The following ZNF568 variants were observed in gnomAD, a reference collection of about 807,000 sequenced individuals.
ZNF568 encodes p53 inhibitor of SCO2 activation.
A neutral mutation model predicts 18.1 loss-of-function variants in ZNF568; 11 were observed. The observed-to-expected ratio is 0.61, with a 90% confidence interval of 0.38 to 1.00. The LOEUF (loss-of-function observed/expected upper bound fraction) is 1.00, where lower values mean the gene tolerates loss of function less well. Among genes scored for constraint, ZNF568 ranks in the 50% least tolerant of loss-of-function variants. ZNF568 has a pLI of 0.01. For missense variants in ZNF568, 639 were observed against 768.2 expected, an observed-to-expected ratio of 0.83 and a Z score of 1.99; for synonymous variants, 213 against 246.6, an observed-to-expected ratio of 0.86 and a Z score of 1.28.
chr19:36,921,693 T>G (rs746435244), intron 2 of ZNF568, among the ~76,000 whole-genome samples: 2 of 152,212 alleles, frequency 1.3e-5, no homozygotes, highest in Non-Finnish European at 2.9e-5. Context: ...TATATTTTAA[T>G]AGTCATTTCG....
At chr19:36,944,992 T>G (rs1353559883) in intron 6 of ZNF568, among the ~76,000 whole-genome samples, 1 of 152,156 alleles carries the variant, frequency 6.6e-6, no homozygotes, top group African/African-American at 2.4e-5. Context: ...AATTTTTTTC[T>G]ATTTTTAGGG....
intron 7 of ZNF568, among the ~76,000 whole-genome samples, chr19:36,978,028 C>G (rs1463463804): frequency 3.3e-5 from 5 of 152,218 alleles, no homozygotes; most frequent in African/African-American, 1.2e-4. Context: ...TGCCCTAGGG[C>G]CTCACTCCAC....
At chr19:36,979,423 C>G (rs2074313452) in exon 8 of ZNF568, 1 of 152,268 alleles carries the variant, frequency 6.6e-6, no homozygotes, top group African/African-American at 2.4e-5. Context: ...TCTTCCCAAT[C>G]TAAATCCCCT....
At chr19:36,953,962 G>A (rs375710527), downstream of ZNF568, among the ~76,000 whole-genome samples, 2 of 152,186 alleles carry the variant, frequency 1.3e-5, no homozygotes, top group African/African-American at 2.4e-5. Context: ...GGTGGCTCAC[G>A]CCTGTAATCC....
intron 4 of ZNF568, chr19:36,996,187 C>CTT: frequency 2.6e-6 from 2 of 775,304 alleles, no homozygotes; most frequent in Non-Finnish European, 3.9e-6. Context: ...TTTCACTTCC[C>CTT]TTTTTTTTTG....
At chr19:36,996,229 A>G in intron 4 of ZNF568, 2 of 1,055,040 alleles carry the variant, frequency 1.9e-6, no homozygotes, top group South Asian at 1.8e-5. Context: ...CTTATTAACT[A>G]TTTTTATTTT....
downstream of ZNF568, among the ~76,000 whole-genome samples, chr19:36,957,443 G>A (rs187866687): frequency 6.6e-6 from 1 of 152,160 alleles, no homozygotes; most frequent in East Asian, 1.9e-4. Context: ...TGTTGGCCAG[G>A]CTGGTCTTGA....
chr19:36,950,436 C>A lies in ZNF568; in HGVS notation c.1283C>A (p.Ser428Tyr). 1 of 1,612,826 alleles carries A rather than the reference C, an allele frequency of 6.2e-7. No homozygotes were observed. The highest frequency in any genetic ancestry group is 8.5e-7 in the Non-Finnish European group (1 of 1,179,274). ...TGTAGTGAATGTGGGAAAGCCTTCTCTCAGAGTTCATCCCTAACCGTACAT... is the reference window on the plus strand; with the variant it reads ...TGTAGTGAATGTGGGAAAGCCTTCTATCAGAGTTCATCCCTAACCGTACAT... The part of the protein sequence containing the change: ...YVCSECGKAF[S>Y]QSSSLTVHMR... The change falls in exon 7 of 7, where the codon TCT (serine) becomes TAT (tyrosine). Residue 428 changes from serine to tyrosine, a missense_variant. Physicochemically the swap from Ser to Tyr is moderately radical, Grantham distance 144. Transcript: ENST00000333987.
intron 2 of ZNF568, among the ~76,000 whole-genome samples, chr19:36,985,861 C>A (rs532907417): frequency 6.6e-6 from 1 of 152,094 alleles, no homozygotes; most frequent in Non-Finnish European, 1.5e-5. Flanking sequence ...AGGCAAAATT[C>A]ACATAATATA....
At chr19:36,972,798 G>GCA (rs895971285) in intron 6 of ZNF568, among the ~76,000 whole-genome samples, 11 of 152,190 alleles carry the variant, frequency 7.2e-5, no homozygotes, top group African/African-American at 2.7e-4. Context: ...AGGCCTTTGG[G>GCA]CACACACACA....
At chr19:36,990,876 G>T (rs533524231) in intron 2 of ZNF568, among the ~76,000 whole-genome samples, 1 of 152,150 alleles carries the variant, frequency 6.6e-6, no homozygotes, top group Admixed American at 6.5e-5. Context: ...GTACTTGCAC[G>T]TACAGTTTCA....
At chr19:36,955,252 G>T (rs74435359), downstream of ZNF568, among the ~76,000 whole-genome samples, 35,674 of 149,622 alleles carry the variant, frequency 0.24, 5,000 homozygotes, top group Non-Finnish European at 0.33. Flanking sequence ...AATGTTTTTT[G>T]TTTGTTTGTT....
intron 7 of ZNF568, chr19:36,974,550 T>C: frequency 3.0e-6 from 4 of 1,339,592 alleles, no homozygotes; most frequent in South Asian, 2.5e-5. Context: ...CTAAAATATT[T>C]ACATTCATGA....
At chr19:36,948,657 G>GTTTTTTTTTTTTTT (rs1568391851) in intron 6 of ZNF568, among the ~76,000 whole-genome samples, 3 of 42,574 alleles carry the variant, frequency 7.0e-5, no homozygotes, top group African/African-American at 1.4e-4. Flanking sequence ...TTTTGTTGTT[G>GTTTTTTTTTTTTTT]ATTTTTTTTT....
intron 6 of ZNF568, among the ~76,000 whole-genome samples, chr19:36,961,476 T>C (rs2074149522): frequency 6.6e-6 from 1 of 152,094 alleles, no homozygotes; most frequent in Non-Finnish European, 1.5e-5. Context: ...AAAAAATCCA[T>C]TCAGCCATTC....
At chr19:36,936,091 T>A (rs1379596281) in intron 4 of ZNF568, among the ~76,000 whole-genome samples, 1 of 152,188 alleles carries the variant, frequency 6.6e-6, no homozygotes, top group Admixed American at 6.5e-5. Context: ...AAAATTATAA[T>A]TTCTTTAATG....
intron 1 of ZNF568, among the ~76,000 whole-genome samples, chr19:36,917,194 C>A (rs1331782879): frequency 1.3e-5 from 2 of 152,148 alleles, no homozygotes; most frequent in African/African-American, 2.4e-5. Flanking sequence ...GGCTGCGTGA[C>A]GAGTTAAGAT....
At chr19:36,921,173 C>T (rs1600761502) in intron 2 of ZNF568, among the ~76,000 whole-genome samples, 1 of 152,114 alleles carries the variant, frequency 6.6e-6, no homozygotes, top group African/African-American at 2.4e-5. Context: ...AGAAAGTGAT[C>T]ACTGTCGGCC....
intron 2 of ZNF568, among the ~76,000 whole-genome samples, chr19:36,918,731 A>G (rs1241122259): frequency 6.6e-6 from 1 of 152,236 alleles, no homozygotes. Flanking sequence ...ACCACCATCC[A>G]GCCAGAGAAC....
Sources: allele counts gnomAD v4.1 joint callset (sites outside exome capture counted in the v4.1 genomes callset), GRCh38; gene constraint gnomAD v4.1.1; transcripts MANE v1.5; gene names NCBI Gene and HGNC (gene_info 2026-07-23, HGNC 2026-07-21).